Variants in THSD4 observed in about 807,000 individuals in gnomAD.
THSD4 encodes the protein thrombospondin type-1 domain-containing protein 4.
THSD4 carries 69 observed loss-of-function variants against 119.0 expected under a neutral mutation model. The ratio of observed to expected loss-of-function variants is 0.58; its 90% CI spans 0.48 to 0.71. The LOEUF is 0.71. THSD4 is among the 30% of genes least tolerant of loss of function. THSD4 has a pLI of 0.00. For missense variants in THSD4, 1,393 were observed against 1,391.1 expected, an observed-to-expected ratio of 1.00 and a Z score of -0.02; for synonymous variants, 524 against 540.4, an observed-to-expected ratio of 0.97 and a Z score of 0.42.
At chr15:71,508,267 C>T (rs142700807) in intron 7 of THSD4, among the ~76,000 whole-genome samples, 3 of 152,298 alleles carry the variant, frequency 2.0e-5, no homozygotes, top group Non-Finnish European at 4.4e-5. Flanking sequence ...TGGCTGCCAA[C>T]TTTGAACAAT....
At chr15:71,298,900 G>A (rs185193002) in intron 6 of THSD4, among the ~76,000 whole-genome samples, 143 of 152,292 alleles carry the variant, frequency 9.4e-4, no homozygotes, top group African/African-American at 3.2e-3. Context: ...GGCGTGAGCC[G>A]TGCACACAGC....
chr15:71,349,395 A>T (rs1235680890), intron 6 of THSD4, among the ~76,000 whole-genome samples: 1 of 152,130 alleles, frequency 6.6e-6, no homozygotes, highest in Non-Finnish European at 1.5e-5. Flanking sequence ...CACAATGTAG[A>T]AAACAAAGAT....
intron 3 of THSD4, among the ~76,000 whole-genome samples, chr15:71,197,663 C>G (rs181125939): frequency 5.3e-5 from 8 of 152,230 alleles, no homozygotes; most frequent in African/African-American, 1.7e-4. Flanking sequence ...TGGCTGAACT[C>G]GGTGCTCCAT....
At chr15:71,473,227 T>G (rs190357407) in intron 7 of THSD4, among the ~76,000 whole-genome samples, 1 of 152,150 alleles carries the variant, frequency 6.6e-6, no homozygotes, top group Admixed American at 6.5e-5. Context: ...CTGGCTAATT[T>G]TTACATTTTT....
At chr15:71,755,347 A>G (rs990889705) in intron 14 of THSD4, among the ~76,000 whole-genome samples, 6 of 152,244 alleles carry the variant, frequency 3.9e-5, no homozygotes, top group African/African-American at 1.4e-4. Context: ...ATGTCAGCAT[A>G]CAAAAATGAA....
chr15:71,627,270 T>C (rs918461262), intron 7 of THSD4, among the ~76,000 whole-genome samples: 2 of 152,226 alleles, frequency 1.3e-5, no homozygotes, highest in African/African-American at 4.8e-5. Flanking sequence ...AAGAGGAAGA[T>C]GTTCAGCTCA....
At chr15:71,662,239 T>C (rs867731503) in intron 8 of THSD4, among the ~76,000 whole-genome samples, 74 of 133,280 alleles carry the variant, frequency 5.6e-4, no homozygotes, top group African/African-American at 1.8e-3. Context: ...TCTAGTCAAA[T>C]GCAGCCAAAA....
In THSD4 at chr15:71,256,694, G is replaced by A. The variant is rs1309548146; in HGVS notation, c.994G>A (p.Glu332Lys). 1 of 1,613,812 alleles carries A rather than the reference G, an allele frequency of 6.2e-7. No individual in the cohort carries two copies. The highest frequency in any genetic ancestry group is 8.5e-7 in the Non-Finnish European group (1 of 1,179,894). ...NNKPFMGRFY[E>K]WEPFAEVKGN... ...CAAGCCATTCATGGGCCGGTTTTAT[G>A]AGTGGGAACCATTTGCAGAAGGTAA... The change falls in exon 6 of 18, where the codon GAG (glutamate) becomes AAG (lysine). Residue 332 changes from glutamate (E) to lysine (K), a missense_variant. Coordinates refer to ENST00000261862, the MANE Select transcript of THSD4 (RefSeq NM_024817.3).
chr15:71,207,850 G>A (rs1291048953), intron 3 of THSD4, among the ~76,000 whole-genome samples: 1 of 152,192 alleles, frequency 6.6e-6, no homozygotes, highest in Non-Finnish European at 1.5e-5. Context: ...GTCTTTCATG[G>A]AACTGGTTCC....
intron 6 of THSD4, among the ~76,000 whole-genome samples, chr15:71,284,828 TAAA>T (rs1006682525): frequency 6.6e-6 from 1 of 150,416 alleles, no homozygotes; most frequent in Non-Finnish European, 1.5e-5. Flanking sequence ...GTTTTCTCAT[TAAA>T]AAAAAACAAT....
intron 6 of THSD4, among the ~76,000 whole-genome samples, chr15:71,276,265 T>G (rs927572416): frequency 1.3e-5 from 2 of 152,286 alleles, no homozygotes; most frequent in Non-Finnish European, 2.9e-5. Flanking sequence ...GGAGCCATGT[T>G]GAGCACAACA....
chr15:71,111,548 G>C (rs1873418138), upstream of THSD4: 1 of 702,726 alleles, frequency 1.4e-6, no homozygotes, highest in Non-Finnish European at 2.4e-6. Context: ...GTTTTGTTTT[G>C]TTTACCATGC....
chr15:71,358,987 G>A (rs1252233002), intron 6 of THSD4, among the ~76,000 whole-genome samples: 1 of 152,192 alleles, frequency 6.6e-6, no homozygotes, highest in Non-Finnish European at 1.5e-5. Context: ...AGCTATTTAG[G>A]TAGAGGATTC....
In THSD4 at chr15:71,781,064, T is replaced by C. The variant is rs2053991050; in HGVS notation, c.*3690T>C. 3.2e-6 allele frequency: 1 copy of C among 307,934 alleles called. No individual in the cohort carries two copies. Among genetic ancestry groups the C allele is most frequent in the South Asian group, 2.9e-5 (1 of 34,054 alleles). The allele number at this position is 307,934 out of a possible 1,614,324, so 19.1% of individuals were successfully genotyped here. A position where few individuals can be genotyped will look rare whatever the true frequency, so the allele number is the denominator to read the frequency against. On this transcript the variant is annotated 3_prime_UTR_variant, in exon 18 of 18. Transcript: ENST00000261862. Reference sequence around the variant, plus strand: ...ACTTCCCTTAAAACAGGCTGGATAATCTATATCAGCCTTGTGGGTGGAGAC... The same window carrying C: ...ACTTCCCTTAAAACAGGCTGGATAACCTATATCAGCCTTGTGGGTGGAGAC...
intron 7 of THSD4, among the ~76,000 whole-genome samples, chr15:71,616,999 A>C (rs2050329141): frequency 6.6e-6 from 1 of 152,234 alleles, no homozygotes; most frequent in Admixed American, 6.5e-5. Flanking sequence ...GTTTAAAGGG[A>C]CTTCCAACCT....
At chr15:71,708,148 C>A (rs1405851180) in intron 8 of THSD4, among the ~76,000 whole-genome samples, 2 of 152,204 alleles carry the variant, frequency 1.3e-5, no homozygotes, top group African/African-American at 4.8e-5. Context: ...AAAAACAGAT[C>A]CCAGACCTTA....
rs370799590 is a variant in THSD4 at position 71,160,500 on chromosome 15, T to A, written c.99+5568T>A. On this transcript the variant is annotated intron_variant, in intron 3 of 17. Transcript: ENST00000261862. ...TTACTGATTCAACTTCCTTATATGC[T>A]ATTGATCTCTTCAGGTTTCCTGTCT... 2.0e-5 allele frequency among the ~76,000 whole-genome samples: 3 copies of A among 152,170 alleles called. No homozygotes were observed. The East Asian group carries it at 5.8e-4, about 29-fold the overall frequency.
chr15:71,731,080 A>G (rs1437764383), intron 9 of THSD4, 41 bp from the exon 10 acceptor site: 4 of 1,600,516 alleles, frequency 2.5e-6, no homozygotes, highest in South Asian at 1.1e-5. Context: ...AGGGGTGTGC[A>G]TACGTGCCAA....
At chr15:71,340,168 T>C (rs1346450624) in intron 6 of THSD4, among the ~76,000 whole-genome samples, 1 of 152,234 alleles carries the variant, frequency 6.6e-6, no homozygotes, top group African/African-American at 2.4e-5. Context: ...CTTTGTACTG[T>C]GTGTCTCCCT....
Sources: allele counts gnomAD v4.1 joint callset (sites outside exome capture counted in the v4.1 genomes callset), GRCh38; gene constraint gnomAD v4.1.1; transcripts MANE v1.5; gene names NCBI Gene and HGNC (gene_info 2026-07-23, HGNC 2026-07-21).